The following RGS9 variants were observed in gnomAD, a reference collection of about 807,000 sequenced individuals.
RGS9 encodes the protein regulator of G-protein signalling 9.
RGS9 carries 78 observed loss-of-function variants against 102.0 expected under a neutral mutation model. The ratio of observed to expected loss-of-function variants is 0.76; its 90% CI spans 0.64 to 0.92. The LOEUF (loss-of-function observed/expected upper bound fraction) is 0.92, where lower values mean the gene tolerates loss of function less well. Ranked by LOEUF, RGS9 falls within the 40% of genes least tolerant of loss-of-function variation. The pLI, the probability that RGS9 is intolerant of heterozygous loss-of-function variation, is 0.00. For missense variants in RGS9, 833 were observed against 866.1 expected, an observed-to-expected ratio of 0.96 and a Z score of 0.48; for synonymous variants, 353 against 318.6, an observed-to-expected ratio of 1.11 and a Z score of -1.15.
intron 9 of RGS9, among the ~76,000 whole-genome samples, chr17:65,182,048 GGGGTTACAT>G (rs1567876199): frequency 1.3e-5 from 2 of 152,168 alleles, no homozygotes; most frequent in Admixed American, 6.5e-5. Context: ...GGTGGAAGGA[GGGGTTACAT>G]GCCAATTTCA....
intron 2 of RGS9, 58 bp from the exon 3 acceptor site, chr17:65,158,237 G>A (rs1333414835): frequency 1.2e-5 from 18 of 1,512,406 alleles, no homozygotes; most frequent in Non-Finnish European, 1.6e-5. Context: ...ACAGCGTGGA[G>A]GAGCGGGGAT....
At chr17:65,221,631 T>G (rs1279992637) in intron 17 of RGS9, among the ~76,000 whole-genome samples, 1 of 152,232 alleles carries the variant, frequency 6.6e-6, no homozygotes, top group Non-Finnish European at 1.5e-5. Context: ...GGCTGATGTC[T>G]TGTTCAAGGG....
intron 1 of RGS9, among the ~76,000 whole-genome samples, chr17:65,147,858 A>C (rs1910430029): frequency 6.6e-6 from 1 of 151,958 alleles, no homozygotes; most frequent in African/African-American, 2.4e-5. Context: ...CCCAAAGTGC[A>C]GGGATTACAG....
At chr17:65,189,364 AG>A in intron 10 of RGS9, 49 bp downstream of exon 10, 1 of 1,400,458 alleles carries the variant, frequency 7.1e-7, no homozygotes, top group Non-Finnish European at 1.0e-6. Flanking sequence ...ATCTTCTAAC[AG>A]GTTATATGTA....
At position 65,210,527 on chromosome 17, in the gene RGS9, C is replaced by A. The variant is rs1367653884; in HGVS notation, c.1329C>A (p.Ser443Arg). The A allele has an allele frequency of 6.2e-7, 1 of 1,613,846 alleles. No individual in the cohort carries two copies. Among genetic ancestry groups the A allele is most frequent in the Non-Finnish European group, 8.5e-7 (1 of 1,180,030 alleles). The change falls in exon 17 of 19, where the codon AGC becomes AGA. Residue 443 changes from serine (S) to arginine (R), a missense_variant. By Grantham distance (110) the Ser-to-Arg change is moderately radical. Coordinates refer to ENST00000262406, the MANE Select transcript of RGS9 (RefSeq NM_003835.4). The part of the protein sequence containing the change: ...LPFMRRHLRS[S>R]PSPVILRQLE... ...TTATGCGGCGTCACCTGCGCTCCAG[C>A]CCAAGCCCTGTCATCCTGAGACAGC...
rs1057046082 is a variant in RGS9, at chr17:65,168,298, C to T, written c.582+17C>T. The T allele has an allele frequency of 2.6e-6, 4 of 1,565,684 alleles. No homozygotes were observed. The African/African-American group carries it at 4.1e-5, about 16-fold the overall frequency. ...CGATGCCCTGTGAGTATCCTCCTGCCTGGTGTCCTCTGTCTCTTCCTGTGC... is the reference window on the plus strand; with the variant it reads ...CGATGCCCTGTGAGTATCCTCCTGCTTGGTGTCCTCTGTCTCTTCCTGTGC... On this transcript the variant is annotated intron_variant, in intron 8 of 18. Coordinates refer to ENST00000262406, the MANE Select transcript of RGS9 (RefSeq NM_003835.4).
intron 7 of RGS9, among the ~76,000 whole-genome samples, chr17:65,165,944 GC>G (rs973533867): frequency 6.6e-6 from 1 of 152,128 alleles, no homozygotes; most frequent in African/African-American, 2.4e-5. Context: ...GAAGGTCTTG[GC>G]CTATCAATTC....
chr17:65,225,440 G>A lies in RGS9; in HGVS notation c.1846G>A (p.Asp616Asn), dbSNP rs756470034. The part of the protein sequence containing the change: ...VSHGRVQPLG[D>N]VGQQLPRLKS... The stretch of plus-strand genomic sequence containing the variant: ...CCACGGGAGGGTGCAGCCCCTGGGG[G>A]ACGTGGGCCAGCAGCTGCCACGATT... Residue 616 changes from aspartate (D) to asparagine (N), a missense_variant, in exon 18 of 19, where the codon GAC (aspartate) becomes AAC (asparagine). By Grantham distance (23) the Asp-to-Asn change is conservative. Coordinates refer to ENST00000262406, the MANE Select transcript of RGS9 (RefSeq NM_003835.4). 3.1e-6 allele frequency: 5 copies of A among 1,607,908 alleles called. No individual in the cohort carries two copies. The highest frequency in any genetic ancestry group is 4.2e-6 in the Non-Finnish European group (5 of 1,180,010).
chr17:65,143,573 G>T (rs1467874724), intron 1 of RGS9, among the ~76,000 whole-genome samples: 1 of 152,186 alleles, frequency 6.6e-6, no homozygotes, highest in Non-Finnish European at 1.5e-5. Context: ...CTTGAGCCCA[G>T]GTGTTCGAGA....
intron 17 of RGS9, among the ~76,000 whole-genome samples, chr17:65,213,870 G>A (rs772503830): frequency 2.0e-5 from 3 of 152,182 alleles, no homozygotes; most frequent in Admixed American, 6.5e-5. Context: ...GGACATGAGC[G>A]TCTCAACACT....
At position 65,161,849 on chromosome 17, in the gene RGS9, C is replaced by T. The variant is rs1008808288; in HGVS notation, c.423+940C>T. Among the ~76,000 whole-genome samples the T allele has an allele frequency of 5.3e-5, 8 of 151,818 alleles. No homozygotes were observed. In the South Asian group the frequency reaches 1.0e-3, roughly 20 times the overall value. ...TCAGCCTCCCAAGCAGCTGGGACTA[C>T]AGGAGCACACCACCATACCCAGCTA... is the stretch of plus-strand genomic sequence containing the variant. On this transcript the variant is annotated intron_variant, in intron 6 of 18. Coordinates refer to ENST00000262406, the MANE Select transcript of RGS9 (RefSeq NM_003835.4).
chr17:65,187,153 C>T (rs919603137), intron 9 of RGS9, among the ~76,000 whole-genome samples: 3 of 152,114 alleles, frequency 2.0e-5, no homozygotes, highest in Admixed American at 6.5e-5. Flanking sequence ...AAAATGTCCC[C>T]ATTCTTCTAG....
At chr17:65,204,498 C>G (rs1297245906) in intron 15 of RGS9, among the ~76,000 whole-genome samples, 197 bp downstream of exon 15, 5 of 152,016 alleles carry the variant, frequency 3.3e-5, no homozygotes, top group African/African-American at 1.2e-4. Context: ...ATATCTTGAG[C>G]CCAGAAGTTT....
intron 5 of RGS9, 43 bp downstream of exon 5, chr17:65,160,630 AT>A (rs1567865383): frequency 6.3e-7 from 1 of 1,597,644 alleles, no homozygotes; most frequent in Non-Finnish European, 8.6e-7. Flanking sequence ...AGTGCTTAAC[AT>A]GCTGCTTATT....
intron 9 of RGS9, among the ~76,000 whole-genome samples, chr17:65,179,553 A>G (rs1485689039): frequency 6.6e-6 from 1 of 151,464 alleles, no homozygotes; most frequent in African/African-American, 2.4e-5. Context: ...GGGTGGAGGC[A>G]GAAAGCACAT....
At chr17:65,160,384 C>A in intron 4 of RGS9, 45 bp downstream of exon 4, 1 of 1,570,396 alleles carries the variant, frequency 6.4e-7, no homozygotes, top group South Asian at 1.1e-5. Context: ...GGGTTGATCT[C>A]ATTTGAAAAG....
At chr17:65,187,937 A>C (rs1912191334) in intron 9 of RGS9, among the ~76,000 whole-genome samples, 1 of 152,190 alleles carries the variant, frequency 6.6e-6, no homozygotes, top group African/African-American at 2.4e-5. Flanking sequence ...AGGAGGTTGC[A>C]GTAAACTGAG....
At chr17:65,219,551 C>G (rs1223050865) in intron 17 of RGS9, among the ~76,000 whole-genome samples, 1 of 152,182 alleles carries the variant, frequency 6.6e-6, no homozygotes, top group Non-Finnish European at 1.5e-5. Flanking sequence ...AACAACTTAA[C>G]AAACCCCTCT....
At chr17:65,142,699 C>T (rs1910204857) in intron 1 of RGS9, among the ~76,000 whole-genome samples, 1 of 151,668 alleles carries the variant, frequency 6.6e-6, no homozygotes, top group African/African-American at 2.4e-5. Context: ...TCTCCTGCCT[C>T]AGCCTCCCAA....
Sources: allele counts gnomAD v4.1 joint callset (sites outside exome capture counted in the v4.1 genomes callset), GRCh38; gene constraint gnomAD v4.1.1; transcripts MANE v1.5; gene names NCBI Gene and HGNC (gene_info 2026-07-23, HGNC 2026-07-21).